ROBO1: variants seen among roughly 807,000 people sequenced by gnomAD.
The protein encoded by ROBO1 is roundabout guidance receptor 1.
ROBO1 carries 149 observed loss-of-function variants against 195.9 expected under a neutral mutation model. That is an observed-to-expected ratio of 0.76 (90% CI 0.67 to 0.87). The LOEUF is 0.87. Ranked by LOEUF, ROBO1 falls within the 40% of genes least tolerant of loss-of-function variation. The probability of loss-of-function intolerance (pLI) is 0.00; values close to 1 mark genes in which losing one functional copy is unlikely to be tolerated. For missense variants in ROBO1, 1,933 were observed against 2,068.3 expected (o/e 0.93, Z 1.27); for synonymous variants, 816 against 733.2 (o/e 1.11, Z -1.82).
intron 2 of ROBO1, among the ~76,000 whole-genome samples, chr3:79,193,475 T>C (rs2081576776): frequency 6.6e-6 from 1 of 151,368 alleles, no homozygotes. Context: ...GGTAGAACAA[T>C]GGCAGTCAGG....
chr3:79,182,593 G>C (rs556861494), intron 2 of ROBO1, among the ~76,000 whole-genome samples: 1 of 151,974 alleles, frequency 6.6e-6, no homozygotes, highest in East Asian at 1.9e-4. Context: ...GCACGCACTG[G>C]AGTGGGGATG....
chr3:79,104,651 C>T (rs192959304), intron 3 of ROBO1, among the ~76,000 whole-genome samples: 6 of 151,664 alleles, frequency 4.0e-5, no homozygotes, highest in East Asian at 3.9e-4. Flanking sequence ...CATACGAGTT[C>T]GGTACTATTC....
At chr3:78,670,039 T>C in intron 11 of ROBO1, 57 bp downstream of exon 11, 3 of 1,387,506 alleles carry the variant, frequency 2.2e-6, no homozygotes, top group Non-Finnish European at 3.0e-6. Context: ...TGCCAGTTGT[T>C]GGAGGCAGAA....
chr3:78,862,507 A>G (rs1424468883), intron 4 of ROBO1, among the ~76,000 whole-genome samples: 2 of 152,196 alleles, frequency 1.3e-5, no homozygotes, highest in African/African-American at 4.8e-5. Context: ...AAATTGTAAG[A>G]TATTAAGTTT....
At chr3:79,765,327 A>G (rs1704925324) in intron 1 of ROBO1, among the ~76,000 whole-genome samples, 1 of 152,184 alleles carries the variant, frequency 6.6e-6, no homozygotes, top group South Asian at 2.1e-4. Flanking sequence ...TCCATAAGAA[A>G]CAAAGTCATC....
intron 2 of ROBO1, among the ~76,000 whole-genome samples, chr3:79,465,336 T>C (rs1001873386): frequency 6.6e-6 from 1 of 152,152 alleles, no homozygotes; most frequent in South Asian, 2.1e-4. Context: ...AAGATCCCCT[T>C]AAGCATTGTC....
At chr3:79,556,465 A>G (rs1300655356) in intron 2 of ROBO1, among the ~76,000 whole-genome samples, 1 of 152,112 alleles carries the variant, frequency 6.6e-6, no homozygotes, top group Non-Finnish European at 1.5e-5. Flanking sequence ...AGTCTCCTGA[A>G]CCATAGACCA....
At chr3:78,676,756 A>G (rs1221769711) in intron 10 of ROBO1, among the ~76,000 whole-genome samples, 1 of 152,226 alleles carries the variant, frequency 6.6e-6, no homozygotes, top group Non-Finnish European at 1.5e-5. Context: ...ACTCTGCAGG[A>G]TATTATCCAG....
chr3:79,003,556 A>G (rs2077553905), intron 3 of ROBO1, among the ~76,000 whole-genome samples: 1 of 152,182 alleles, frequency 6.6e-6, no homozygotes, highest in African/African-American at 2.4e-5. Context: ...AACCCCATCA[A>G]GTAGATACTC....
chr3:79,310,388 G>T (rs942654018), intron 2 of ROBO1, among the ~76,000 whole-genome samples: 5 of 152,128 alleles, frequency 3.3e-5, no homozygotes, highest in African/African-American at 9.7e-5. Flanking sequence ...AGCTCCATAT[G>T]ATCAGCCAAA....
At chr3:79,100,872 C>T (rs1029811686) in intron 3 of ROBO1, among the ~76,000 whole-genome samples, 1 of 151,736 alleles carries the variant, frequency 6.6e-6, no homozygotes, top group African/African-American at 2.4e-5. Flanking sequence ...CTTGAGGCAC[C>T]ACTGTTTTGT....
chr3:79,583,036 G>A (rs540596634), intron 2 of ROBO1, among the ~76,000 whole-genome samples: 122 of 151,952 alleles, frequency 8.0e-4, no homozygotes, highest in African/African-American at 2.7e-3. Flanking sequence ...TTTTACTCTG[G>A]GTTCTAGTGC....
At chr3:79,379,624 T>C (rs1264337068) in intron 2 of ROBO1, among the ~76,000 whole-genome samples, 2 of 152,262 alleles carry the variant, frequency 1.3e-5, no homozygotes, top group African/African-American at 2.4e-5. Flanking sequence ...ACTTACATCG[T>C]AATTCACACT....
At chr3:78,885,039 T>C (rs1375765406) in intron 4 of ROBO1, among the ~76,000 whole-genome samples, 1 of 152,024 alleles carries the variant, frequency 6.6e-6, no homozygotes, top group Non-Finnish European at 1.5e-5. Flanking sequence ...GATCAAATAA[T>C]ATCATTAAGA....
intron 3 of ROBO1, among the ~76,000 whole-genome samples, chr3:78,982,436 G>A (rs1338937228): frequency 2.0e-5 from 3 of 152,064 alleles, no homozygotes; most frequent in East Asian, 3.9e-4. Flanking sequence ...TTCAAATAAT[G>A]AGCATTTTTG....
chr3:79,395,369 T>C (rs1407639244), intron 2 of ROBO1, among the ~76,000 whole-genome samples: 1 of 134,680 alleles, frequency 7.4e-6, no homozygotes, highest in Non-Finnish European at 1.6e-5. Flanking sequence ...AGAAAGAACA[T>C]TTCAGTGCCT....
intron 4 of ROBO1, among the ~76,000 whole-genome samples, chr3:78,931,136 A>T (rs974185581): frequency 6.6e-6 from 1 of 151,166 alleles, no homozygotes; most frequent in Non-Finnish European, 1.5e-5. Flanking sequence ...AAGTTACTTT[A>T]AAAAAAAATC....
chr3:79,035,673 G>C (rs1418481779), intron 3 of ROBO1, among the ~76,000 whole-genome samples: 1 of 151,756 alleles, frequency 6.6e-6, no homozygotes, highest in African/African-American at 2.4e-5. Flanking sequence ...TGAGGCTGCA[G>C]TGAGCCAAGA....
At position 78,884,746 on chromosome 3, in the gene ROBO1, G is replaced by GAAAGGAAA. The variant is rs1471368712; in HGVS notation, c.499+53854_499+53855insTTTCCTTT. ...GAAAGGAAGGAAGGAAGGAAAGAAAGGAAAGAAAGAAAGAAAGAAAATTTA... is the reference window on the plus strand; with the variant it reads ...GAAAGGAAGGAAGGAAGGAAAGAAAGAAAGGAAAGAAAGAAAGAAAGAAAGAAAATTTA... On this transcript the variant is annotated intron_variant, in intron 4 of 30. Coordinates refer to ENST00000464233, the MANE Select transcript of ROBO1 (RefSeq NM_002941.4). Among the ~76,000 whole-genome samples, 4 of 147,802 alleles carry GAAAGGAAA rather than the reference G, an allele frequency of 2.7e-5. No homozygotes were observed. In the East Asian group the frequency reaches 8.0e-4, roughly 30 times the overall value.
Sources: allele counts gnomAD v4.1 joint callset (sites outside exome capture counted in the v4.1 genomes callset), GRCh38; gene constraint gnomAD v4.1.1; transcripts MANE v1.5; gene names NCBI Gene and HGNC (gene_info 2026-07-23, HGNC 2026-07-21).